Variants in LHFPL3 observed in about 807,000 individuals in gnomAD.
LHFPL3 encodes the protein LHFPL tetraspan subfamily member 3.
Under a neutral mutation model 19.3 loss-of-function variants are expected in LHFPL3, and 5 were observed. That is an observed-to-expected ratio of 0.26 (90% CI 0.14 to 0.54). The LOEUF (loss-of-function observed/expected upper bound fraction) is 0.54. Among genes scored for constraint, LHFPL3 ranks in the 20% least tolerant of loss-of-function variants. The pLI is 0.94. For missense variants in LHFPL3, 249 were observed against 307.4 expected (o/e 0.81, Z 1.42); for synonymous variants, 133 against 126.2 (o/e 1.05, Z -0.36).
At chr7:104,533,349 A>G (rs1358757606) in intron 1 of LHFPL3, among the ~76,000 whole-genome samples, 1 of 152,016 alleles carries the variant, frequency 6.6e-6, no homozygotes, top group African/African-American at 2.4e-5. Flanking sequence ...GGGAGTACTT[A>G]TCCATTTACA....
intron 1 of LHFPL3, among the ~76,000 whole-genome samples, chr7:104,730,583 G>C (rs1793681285): frequency 7.0e-6 from 1 of 142,074 alleles, no homozygotes; most frequent in Non-Finnish European, 1.6e-5. Flanking sequence ...CCCACTTTTT[G>C]ATGGGGTTGT....
chr7:104,341,722 C>T (rs1203443889), intron 1 of LHFPL3, among the ~76,000 whole-genome samples: 2 of 152,050 alleles, frequency 1.3e-5, no homozygotes, highest in South Asian at 2.1e-4. Context: ...TGCTGAAGAC[C>T]CCTCCATTGT....
At chr7:104,492,288 C>T (rs1793373703) in intron 1 of LHFPL3, among the ~76,000 whole-genome samples, 1 of 152,034 alleles carries the variant, frequency 6.6e-6, no homozygotes, top group Non-Finnish European at 1.5e-5. Flanking sequence ...ATCAGAATTC[C>T]AATAATAGCA....
chr7:104,904,748 C>T (rs573024705), intron 2 of LHFPL3, among the ~76,000 whole-genome samples: 4 of 152,180 alleles, frequency 2.6e-5, no homozygotes, highest in African/African-American at 9.6e-5. Context: ...TATGGCACAC[C>T]GTGACCAGCT....
intron 1 of LHFPL3, among the ~76,000 whole-genome samples, chr7:104,732,370 G>A (rs950004498): frequency 2.6e-5 from 4 of 152,120 alleles, no homozygotes; most frequent in Admixed American, 6.5e-5. Context: ...TTTTTTGGTT[G>A]GTAAGCTATT....
intron 1 of LHFPL3, among the ~76,000 whole-genome samples, chr7:104,347,219 C>A (rs928066500): frequency 3.3e-5 from 5 of 151,948 alleles, no homozygotes; most frequent in African/African-American, 1.2e-4. Context: ...TATAAAAACT[C>A]CAGGCGACCT....
At chr7:104,550,761 G>C (rs1794648600) in intron 1 of LHFPL3, among the ~76,000 whole-genome samples, 1 of 152,100 alleles carries the variant, frequency 6.6e-6, no homozygotes, top group Non-Finnish European at 1.5e-5. Flanking sequence ...ATTTCTTAGA[G>C]AAAATATAGA....
chr7:104,899,530 C>T (rs1003088893), intron 2 of LHFPL3, among the ~76,000 whole-genome samples: 5 of 152,074 alleles, frequency 3.3e-5, no homozygotes, highest in Non-Finnish European at 5.9e-5. Flanking sequence ...GAAAATGATA[C>T]GAAGCTGGTA....
At chr7:104,688,573 T>A (rs547854399) in intron 1 of LHFPL3, among the ~76,000 whole-genome samples, 1 of 111,822 alleles carries the variant, frequency 8.9e-6, no homozygotes, top group African/African-American at 3.1e-5. Flanking sequence ...CCCACCCCCC[T>A]GTGGTGGCAA....
intron 1 of LHFPL3, among the ~76,000 whole-genome samples, chr7:104,551,534 T>G (rs1053423331): frequency 3.9e-5 from 6 of 152,112 alleles, no homozygotes; most frequent in African/African-American, 1.4e-4. Flanking sequence ...CTTTGAGGTC[T>G]CTATCATGTT....
Position 104,668,280 on chromosome 7 carries a change from G to C in LHFPL3, c.446-68395G>C. ...CGTTGCTGATCAAGCACTGGATAAA[G>C]ACAGGGATGATCCTCCTTTTGGCCG... On this transcript the variant is annotated intron_variant, in intron 1 of 2. Coordinates refer to ENST00000424859, the MANE Select transcript of LHFPL3 (RefSeq NM_199000.3). 2.5e-6 allele frequency: 4 copies of C among 1,607,592 alleles called. No individual in the cohort carries two copies. In the South Asian group the frequency reaches 4.4e-5, roughly 18 times the overall value.
intron 2 of LHFPL3, among the ~76,000 whole-genome samples, chr7:104,783,184 T>A (rs565719584): frequency 4.6e-5 from 7 of 152,244 alleles, no homozygotes; most frequent in Non-Finnish European, 1.0e-4. Flanking sequence ...CTGGTGCACA[T>A]TGAAGTCAGA....
intron 1 of LHFPL3, among the ~76,000 whole-genome samples, chr7:104,451,391 T>C (rs1792434199): frequency 6.6e-6 from 1 of 152,178 alleles, no homozygotes; most frequent in South Asian, 2.1e-4. Context: ...ACTAAGCATA[T>C]CTAATCTCTA....
At chr7:104,750,449 C>T (rs1303137650) in intron 2 of LHFPL3, among the ~76,000 whole-genome samples, 2 of 152,210 alleles carry the variant, frequency 1.3e-5, no homozygotes, top group Non-Finnish European at 2.9e-5. Context: ...GCAATCTTGT[C>T]TCCTAGACTG....
At chr7:104,450,787 G>C (rs1792421381) in intron 1 of LHFPL3, among the ~76,000 whole-genome samples, 1 of 151,982 alleles carries the variant, frequency 6.6e-6, no homozygotes, top group African/African-American at 2.4e-5. Flanking sequence ...TATCTAATGT[G>C]ATCTTTAAAA....
intron 1 of LHFPL3, among the ~76,000 whole-genome samples, chr7:104,627,053 A>G (rs928887250): frequency 1.3e-5 from 2 of 152,150 alleles, no homozygotes; most frequent in Non-Finnish European, 2.9e-5. Context: ...TATAGCCCAC[A>G]TGTTTTACAG....
intron 2 of LHFPL3, among the ~76,000 whole-genome samples, chr7:104,769,935 A>T (rs1220059714): frequency 1.3e-5 from 2 of 152,234 alleles, no homozygotes. Flanking sequence ...TCAATCTAAC[A>T]GGAAAAAATT....
chr7:104,619,029 T>G (rs1418518979), intron 1 of LHFPL3, among the ~76,000 whole-genome samples: 1 of 152,338 alleles, frequency 6.6e-6, no homozygotes, highest in East Asian at 1.9e-4. Context: ...TTATCATGAT[T>G]GTATCAGGAG....
At chr7:104,329,302 G>T (rs530126685) in intron 1 of LHFPL3, 78 bp downstream of exon 1, 15 of 1,488,716 alleles carry the variant, frequency 1.0e-5, no homozygotes, top group Admixed American at 8.8e-5. Flanking sequence ...TGGGAGGGAC[G>T]GGGGCTGTGC....
Sources: allele counts gnomAD v4.1 joint callset (sites outside exome capture counted in the v4.1 genomes callset), GRCh38; gene constraint gnomAD v4.1.1; transcripts MANE v1.5; gene names NCBI Gene and HGNC (gene_info 2026-07-23, HGNC 2026-07-21).